PLD5: variants seen among roughly 807,000 people sequenced by gnomAD.
PLD5 encodes phospholipase D family member 5.
In PLD5, 36 loss-of-function variants were observed where a neutral mutation model predicts 61.1. The ratio of observed to expected loss-of-function variants is 0.59; its 90% CI spans 0.45 to 0.78. The LOEUF (loss-of-function observed/expected upper bound fraction) is 0.78. PLD5 is among the 30% of genes least tolerant of loss of function. The pLI is 0.00. For missense variants in PLD5, 515 were observed against 644.4 expected (o/e 0.80, Z 2.17); for synonymous variants, 243 against 242.8 (o/e 1.00, Z -0.01).
At chr1:242,192,702 TG>T (rs1311437181) in intron 5 of PLD5, among the ~76,000 whole-genome samples, 1 of 152,070 alleles carries the variant, frequency 6.6e-6, no homozygotes, top group Non-Finnish European at 1.5e-5. Flanking sequence ...AGAGAAAACA[TG>T]ATTAGGTGGG....
chr1:242,254,660 A>C (rs1464962197), intron 4 of PLD5, among the ~76,000 whole-genome samples: 1 of 152,028 alleles, frequency 6.6e-6, no homozygotes, highest in African/African-American at 2.4e-5. Flanking sequence ...ACAAGAGTGA[A>C]ATTCGTCTCA....
intron 2 of PLD5, among the ~76,000 whole-genome samples, chr1:242,331,351 G>A (rs1832892): frequency 0.9 from 136,358 of 152,172 alleles, 61,176 homozygotes; most frequent in East Asian, 0.95. Context: ...CATGGAATAA[G>A]AAACTTGACA....
At chr1:242,475,229 C>G (rs184344735) in intron 1 of PLD5, among the ~76,000 whole-genome samples, 1 of 152,282 alleles carries the variant, frequency 6.6e-6, no homozygotes, top group South Asian at 2.1e-4. Flanking sequence ...AAAGGAAGAG[C>G]AAGAAAACAA....
At chr1:242,362,091 T>C (rs897002037) in intron 1 of PLD5, among the ~76,000 whole-genome samples, 1 of 152,008 alleles carries the variant, frequency 6.6e-6, no homozygotes, top group Non-Finnish European at 1.5e-5. Flanking sequence ...AAATTAAAAT[T>C]ATTCATATTA....
rs532643230 is a variant in PLD5 at position 242,287,402 on chromosome 1, T to C, written c.495+960A>G. ...AATCCTGAAACACTTACTTAAACTTTAGTAGAGATGGAAAAGTGTAGAACA... is the reference window on the plus strand; with the variant it reads ...AATCCTGAAACACTTACTTAAACTTCAGTAGAGATGGAAAAGTGTAGAACA... On this transcript the variant is annotated intron_variant, in intron 3 of 9. Coordinates refer to ENST00000536534, the MANE Select transcript of PLD5 (RefSeq NM_001372062.1). 1.4e-3 allele frequency among the ~76,000 whole-genome samples: 207 copies of C among 152,354 alleles called. 3 individuals are homozygous for C. The South Asian group carries it at 0.042, about 31-fold the overall frequency.
chr1:242,196,128 C>A (rs1427866101), intron 5 of PLD5, among the ~76,000 whole-genome samples: 1 of 152,010 alleles, frequency 6.6e-6, no homozygotes, highest in Admixed American at 6.6e-5. Context: ...AAAAATGTTA[C>A]CTAGACAGAT....
At chr1:242,526,587 C>T (rs1308049940), upstream of PLD5, among the ~76,000 whole-genome samples, 6 of 152,170 alleles carry the variant, frequency 3.9e-5, no homozygotes, top group Non-Finnish European at 5.9e-5. Context: ...AGGTGCACGT[C>T]ACCACGCCCA....
At chr1:242,217,466 A>G (rs1173613160) in intron 5 of PLD5, among the ~76,000 whole-genome samples, 2 of 151,992 alleles carry the variant, frequency 1.3e-5, no homozygotes, top group East Asian at 1.9e-4. Context: ...CTACTAAAAA[A>G]TACAAAAATT....
At chr1:242,401,856 C>A (rs1373154449) in intron 1 of PLD5, among the ~76,000 whole-genome samples, 1 of 152,190 alleles carries the variant, frequency 6.6e-6, no homozygotes, top group Non-Finnish European at 1.5e-5. Context: ...AGGACAGGGA[C>A]CCTGCTTGTC....
At chr1:242,363,330 C>T (rs988049236) in intron 1 of PLD5, among the ~76,000 whole-genome samples, 4 of 151,304 alleles carry the variant, frequency 2.6e-5, no homozygotes, top group African/African-American at 4.9e-5. Context: ...CTCATGGCTG[C>T]TTTGGTCTCT....
chr1:242,324,741 C>A (rs529712476), intron 2 of PLD5, among the ~76,000 whole-genome samples: 15 of 152,236 alleles, frequency 9.9e-5, no homozygotes, highest in Middle Eastern at 6.8e-3. Flanking sequence ...TACTATAAAA[C>A]CTAAGATTGA....
intron 5 of PLD5, among the ~76,000 whole-genome samples, chr1:242,164,443 C>T (rs1391241928): frequency 6.6e-6 from 1 of 151,880 alleles, no homozygotes; most frequent in African/African-American, 2.4e-5. Context: ...TGAAGCATGA[C>T]CAGTCTCCAG....
chr1:242,097,115 T>C (rs1025204922), intron 9 of PLD5, among the ~76,000 whole-genome samples: 11 of 152,238 alleles, frequency 7.2e-5, no homozygotes, highest in Non-Finnish European at 1.2e-4. Flanking sequence ...TTCCACGGTG[T>C]ATATGTGCCA....
intron 3 of PLD5, among the ~76,000 whole-genome samples, chr1:242,279,331 C>T (rs1213813530): frequency 1.3e-5 from 2 of 152,148 alleles, no homozygotes; most frequent in Non-Finnish European, 2.9e-5. Context: ...CCTGGGTGCC[C>T]AGTAAAATCC....
In PLD5 at chr1:242,421,568, A is replaced by G. The variant is rs144048336; in HGVS notation, c.190-73326T>C. Among the ~76,000 whole-genome samples, 192 of 152,332 alleles carry G rather than the reference A, an allele frequency of 1.3e-3. 4 individuals carry two copies. The highest frequency in any genetic ancestry group is 4.3e-3 in the African/African-American group (177 of 41,574). The stretch of plus-strand genomic sequence containing the variant: ...GCCTGACCAGGAGATACGGGATTTC[A>G]TAGGGTAGGGATTGAAGAAATGTGA... On this transcript the variant is annotated intron_variant, in intron 1 of 9. Transcript: ENST00000536534.
chr1:242,126,631 TTA>T (rs1229329279), intron 5 of PLD5, among the ~76,000 whole-genome samples: 1 of 152,188 alleles, frequency 6.6e-6, no homozygotes, highest in African/African-American at 2.4e-5. Flanking sequence ...AACTGGATCC[TTA>T]TCTCTCACCT....
chr1:242,172,215 T>A (rs1420166108), intron 5 of PLD5, among the ~76,000 whole-genome samples: 1 of 152,154 alleles, frequency 6.6e-6, no homozygotes, highest in East Asian at 1.9e-4. Flanking sequence ...AACTCAGAAT[T>A]AAGAAATTCA....
chr1:242,529,950 C>A, the PLD5 span, among the ~76,000 whole-genome samples: 7 of 152,262 alleles, frequency 4.6e-5, no homozygotes, highest in East Asian at 1.4e-3. Flanking sequence ...CGCACCACAA[C>A]CTCCACCTCC....
At chr1:242,499,959 G>T (rs1033990676) in intron 1 of PLD5, among the ~76,000 whole-genome samples, 1 of 152,158 alleles carries the variant, frequency 6.6e-6, no homozygotes, top group Non-Finnish European at 1.5e-5. Flanking sequence ...GCTCAACTGG[G>T]ATGGCTGACC....
Sources: gnomAD v4.1 joint callset for allele counts (sites outside exome capture counted in the v4.1 genomes callset) on GRCh38, gnomAD v4.1.1 for gene constraint, MANE v1.5 for transcripts, NCBI Gene and HGNC (gene_info 2026-07-23, HGNC 2026-07-21) for gene names.